SIRT3: variants seen among roughly 807,000 people sequenced by gnomAD.
SIRT3 encodes the protein NAD-dependent protein deacetylase sirtuin-3, mitochondrial.
In SIRT3, 26 loss-of-function variants were observed where a neutral mutation model predicts 33.5. The ratio of observed to expected loss-of-function variants is 0.78; its 90% CI spans 0.57 to 1.08. The LOEUF (loss-of-function observed/expected upper bound fraction) is 1.08. Ranked by LOEUF, SIRT3 falls within the 50% of genes least tolerant of loss-of-function variation. The pLI is 0.00. For synonymous variants in SIRT3, 237 were observed against 222.1 expected, an observed-to-expected ratio of 1.07 and a Z score of -0.60; for missense variants, 585 against 530.1, an observed-to-expected ratio of 1.10 and a Z score of -1.02.
At chr11:231,146 A>G (rs916343257) in intron 3 of SIRT3, among the ~76,000 whole-genome samples, 2 of 150,336 alleles carry the variant, frequency 1.3e-5, no homozygotes, top group South Asian at 4.2e-4. Flanking sequence ...AAAAAATTAC[A>G]CCTAATACCA....
intron 1 of SIRT3, among the ~76,000 whole-genome samples, chr11:235,463 C>T (rs576476615): frequency 4.6e-5 from 7 of 152,212 alleles, no homozygotes; most frequent in African/African-American, 9.6e-5. Flanking sequence ...TCTCAGCCTC[C>T]GAAAGTGCTG....
At chr11:225,413 AAAAAC>A (rs59384450) in intron 4 of SIRT3, among the ~76,000 whole-genome samples, 24,797 of 151,862 alleles carry the variant, frequency 0.16, 2,372 homozygotes, top group Middle Eastern at 0.22. Context: ...CTCTGTCTCA[AAAAAC>A]AAAACAAAAC....
intron 4 of SIRT3, among the ~76,000 whole-genome samples, chr11:229,761 A>AAAAT (rs907756748): frequency 2.0e-5 from 3 of 152,158 alleles, no homozygotes; most frequent in African/African-American, 7.2e-5. Flanking sequence ...TGTGTCTCAA[A>AAAAT]AAATAAATAA....
chr11:236,722 CTCA>C, upstream of SIRT3: 1 of 428,176 alleles, frequency 2.3e-6, no homozygotes. Context: ...TGGGAAGATC[CTCA>C]TTTGACAGGA....
intron 4 of SIRT3, among the ~76,000 whole-genome samples, chr11:227,492 A>C (rs1161556174): frequency 6.6e-6 from 1 of 152,168 alleles, no homozygotes; most frequent in African/African-American, 2.4e-5. Context: ...CAGAGAACAG[A>C]TAGCAACAGT....
At position 224,162 on chromosome 11, in the gene SIRT3, C is replaced by T. The variant is rs1856836323; in HGVS notation, c.885G>A (p.Gly295=). ...GVVKPDIVFF[G]EPLPQRFLLH... is the part of the protein sequence containing the mutation. ...GCAAGAACCTCTGGGGCAGCGGCTC[C>T]CCAAAGAACACAATGTCGGGCTTCA... Residue 295 remains glycine, a synonymous_variant, in exon 5 of 7, where the codon GGG becomes GGA. Coordinates refer to ENST00000382743, the MANE Select transcript of SIRT3 (RefSeq NM_012239.6). The T allele has an allele frequency of 6.2e-7, 1 of 1,614,190 alleles. No homozygotes were observed. The highest frequency in any genetic ancestry group is 1.7e-5 in the Admixed American group (1 of 60,028).
rs201968814 is a variant in SIRT3, at chr11:233,339, G to C, written c.473+4C>G. On this transcript the variant is annotated splice_donor_region_variant and intron_variant, in intron 2 of 6. Coordinates refer to ENST00000382743, the MANE Select transcript of SIRT3 (RefSeq NM_012239.6). ...CAGAAGGCAGGTGGGACTGTGGGCA[G>C]TACCTGAAGTCTGGAATGCCACTGG... 1 of 1,613,158 alleles carries C rather than the reference G, an allele frequency of 6.2e-7. No homozygotes were observed. The highest frequency in any genetic ancestry group is 1.1e-5 in the South Asian group (1 of 90,978).
Position 230,571 on chromosome 11 carries a change from C to A in SIRT3, c.707-19G>T, listed in dbSNP as rs543036187. On this transcript the variant is annotated intron_variant, in intron 3 of 6. Transcript: ENST00000382743. Reference sequence around the variant, plus strand: ...CCCGACACTGAAATTCAAGCCAAAGCGAAGTGTTGCTGCCGCCTCCGAGAT... The same window carrying A: ...CCCGACACTGAAATTCAAGCCAAAGAGAAGTGTTGCTGCCGCCTCCGAGAT... The A allele has an allele frequency of 6.8e-7, 1 of 1,475,462 alleles. No individual in the cohort carries two copies. The highest frequency in any genetic ancestry group is 2.6e-5 in the East Asian group (1 of 38,190). 91.4% of individuals were successfully genotyped at this position (1,475,462 alleles called of 1,614,324 possible).
chr11:219,011 C>G lies in SIRT3; in HGVS notation c.1000G>C (p.Val334Leu), dbSNP rs147582800. 1.2e-6 allele frequency: 2 copies of G among 1,613,760 alleles called. No individual in the cohort carries two copies. Among genetic ancestry groups the G allele is most frequent in the East Asian group, 2.2e-5 (1 of 44,898 alleles). ...VEPFASLTEA[V>L]RSSVPRLLIN... ...AGCAGTCGGGGAACTGAGCTCCGCACGGCCTCGGTCAAGCTGGCAAAAGGC... is the reference window on the plus strand; with the variant it reads ...AGCAGTCGGGGAACTGAGCTCCGCAGGGCCTCGGTCAAGCTGGCAAAAGGC... The change falls in exon 6 of 7, where the codon GTG becomes CTG. Residue 334 changes from valine (V) to leucine (L), a missense_variant. By Grantham distance (32) the Val-to-Leu change is conservative (BLOSUM62 1). Transcript: ENST00000382743.
intron 5 of SIRT3, among the ~76,000 whole-genome samples, chr11:220,608 T>G (rs1216617194): frequency 6.6e-6 from 1 of 152,242 alleles, no homozygotes; most frequent in African/African-American, 2.4e-5. Context: ...TGTGTGATTT[T>G]GGTTTTGGTG....
intron 5 of SIRT3, chr11:222,378 C>T (rs1353243704): frequency 6.5e-6 from 1 of 153,690 alleles, no homozygotes; most frequent in African/African-American, 2.4e-5. Context: ...AACCCACCTA[C>T]CAGGCTTCTC....
At chr11:230,364 C>T (rs1857765318) in intron 4 of SIRT3, 88 bp downstream of exon 4, 5 of 672,496 alleles carry the variant, frequency 7.4e-6, no homozygotes, top group African/African-American at 1.8e-5. Context: ...TTCAACTGTC[C>T]TTTCGAGACA....
intron 6 of SIRT3, among the ~76,000 whole-genome samples, chr11:217,403 C>T (rs1365839070): frequency 2.0e-5 from 3 of 152,198 alleles, no homozygotes; most frequent in Non-Finnish European, 2.9e-5. Flanking sequence ...GAGCCAAAAT[C>T]GTGCCATTGC....
Position 223,715 on chromosome 11 carries a change from G to A in SIRT3, c.969+363C>T, listed in dbSNP as rs1369640100. ...TCCCACCTTCCTGTCTCCTGCACAGGCTGCTGCTCCCTCAGCCTGGAACCC... is the reference window on the plus strand; with the variant it reads ...TCCCACCTTCCTGTCTCCTGCACAGACTGCTGCTCCCTCAGCCTGGAACCC... On this transcript the variant is annotated intron_variant, in intron 5 of 6. Transcript: ENST00000382743. The surrounding 1 kb of genome is among the most constrained non-coding windows in gnomAD (Gnocchi z 4.8). 2.6e-6 allele frequency: 2 copies of A among 766,092 alleles called. No homozygotes were observed. The highest frequency in any genetic ancestry group is 3.5e-5 in the African/African-American group (2 of 56,738). 47.5% of individuals were successfully genotyped at this position (766,092 alleles called of 1,614,324 possible).
At position 223,797 on chromosome 11, in the gene SIRT3, T is replaced by C; in HGVS notation, c.969+281A>G. 1 of 1,038,182 alleles carries C rather than the reference T, an allele frequency of 9.6e-7. No homozygotes were observed. The highest frequency in any genetic ancestry group is 1.5e-6 in the Non-Finnish European group (1 of 680,662). The allele number at this position is 1,038,182 out of a possible 1,614,324, so 64.3% of individuals were successfully genotyped here. A position where few individuals can be genotyped will look rare whatever the true frequency, so the allele number is the denominator to read the frequency against. ...ACCAGCCCTGGAAGGGCCCATGAGA[T>C]GACTCCTGTACCCCTCCCTTCCCCT... On this transcript the variant is annotated intron_variant, in intron 5 of 6. Coordinates refer to ENST00000382743, the MANE Select transcript of SIRT3 (RefSeq NM_012239.6). This position sits in a 1 kb window ranked among gnomAD's most constrained non-coding sequence, Gnocchi z 4.8.
chr11:236,878 C>G, upstream of SIRT3: 1 of 628,150 alleles, frequency 1.6e-6, no homozygotes, highest in Non-Finnish European at 2.8e-6. Flanking sequence ...TTGTCCGGAG[C>G]GCAGAGACGC....
rs1024343911 is a variant in SIRT3, at chr11:236,323, C to G, written c.6G>C (p.Ala2=). 2 of 1,496,704 alleles carry G rather than the reference C, an allele frequency of 1.3e-6. No individual in the cohort carries two copies. Among genetic ancestry groups the G allele is most frequent in the East Asian group, 2.6e-5 (1 of 38,508 alleles). The allele number at this position is 1,496,704 out of a possible 1,614,324, so 92.7% of individuals were successfully genotyped here. A position where few individuals can be genotyped will look rare whatever the true frequency, so the allele number is the denominator to read the frequency against. M[A]FWGWRAAAAL... is the part of the protein sequence containing the mutation. ...CTGCCGCGGCGCGCCAACCCCAGAA[C>G]GCCATGTTCCGCGCAGTCCAAGGAG... is the stretch of plus-strand genomic sequence containing the variant. Residue 2 remains alanine (A), a synonymous_variant, in exon 1 of 7, where the codon GCG becomes GCC. Coordinates refer to ENST00000382743, the MANE Select transcript of SIRT3 (RefSeq NM_012239.6).
chr11:236,399 AC>A (rs1186155380), upstream of SIRT3: 3 of 183,948 alleles, frequency 1.6e-5, no homozygotes, highest in South Asian at 8.8e-4. Flanking sequence ...TCCGCCTCCC[AC>A]CCCCGCCCCC....
upstream of SIRT3, chr11:236,846 G>A: frequency 1.7e-6 from 1 of 595,408 alleles, no homozygotes; most frequent in Non-Finnish European, 3.0e-6. Context: ...CGCGGGAAGT[G>A]GGCTGCAAAC....
Sources: allele counts gnomAD v4.1 joint callset (sites outside exome capture counted in the v4.1 genomes callset), GRCh38; gene constraint gnomAD v4.1.1; non-coding constraint Gnocchi (gnomAD v3.1); transcripts MANE v1.5; gene names NCBI Gene and HGNC (gene_info 2026-07-23, HGNC 2026-07-21).